Variants in PCDH9 observed in about 807,000 individuals in gnomAD.
PCDH9 encodes the protein protocadherin-9.
Under a neutral mutation model 70.6 loss-of-function variants are expected in PCDH9, and 24 were observed. The observed-to-expected ratio is 0.34, with a 90% CI of 0.25 to 0.48. The LOEUF is 0.48. Ranked by LOEUF, PCDH9 falls within the 20% of genes least tolerant of loss-of-function variation. PCDH9 has a pLI of 0.99. For synonymous variants in PCDH9, 562 were observed against 558.5 expected (o/e 1.01, Z -0.09); for missense variants, 1,281 against 1,503.6 (o/e 0.85, Z 2.45).
chr13:66,875,128 C>G (rs1230307552), intron 3 of PCDH9, among the ~76,000 whole-genome samples: 3 of 152,166 alleles, frequency 2.0e-5, no homozygotes, highest in Non-Finnish European at 4.4e-5. Context: ...GTATCAACAT[C>G]TCCCCTAAAG....
chr13:66,357,294 G>T (rs923595688), intron 4 of PCDH9, among the ~76,000 whole-genome samples: 1 of 152,074 alleles, frequency 6.6e-6, no homozygotes, highest in African/African-American at 2.4e-5. Flanking sequence ...ACTGCAACAT[G>T]CAAACAGATA....
chr13:66,711,018 A>G (rs887895135), intron 3 of PCDH9, among the ~76,000 whole-genome samples: 5 of 152,138 alleles, frequency 3.3e-5, no homozygotes, highest in Non-Finnish European at 7.4e-5. Context: ...AAAACGATAT[A>G]TTCACAGATA....
intron 2 of PCDH9, among the ~76,000 whole-genome samples, chr13:67,006,192 A>T (rs1394364322): frequency 6.6e-6 from 1 of 152,168 alleles, no homozygotes; most frequent in Non-Finnish European, 1.5e-5. Flanking sequence ...GTGCCACTGC[A>T]CTCCAGCCTG....
chr13:66,633,212 C>T (rs2077594485), intron 3 of PCDH9, among the ~76,000 whole-genome samples: 1 of 152,128 alleles, frequency 6.6e-6, no homozygotes, highest in Admixed American at 6.5e-5. Flanking sequence ...AAACTATAAT[C>T]ATAAATGGTA....
chr13:67,147,425 G>T (rs2138375669), intron 2 of PCDH9, among the ~76,000 whole-genome samples: 1 of 152,274 alleles, frequency 6.6e-6, no homozygotes, highest in Middle Eastern at 3.4e-3. Flanking sequence ...TACCAGAATA[G>T]CAACAACATG....
chr13:66,718,406 T>C (rs909325671), intron 3 of PCDH9, among the ~76,000 whole-genome samples: 1 of 152,056 alleles, frequency 6.6e-6, no homozygotes, highest in African/African-American at 2.4e-5. Context: ...AGAATACTAT[T>C]TTGTTGAGGG....
intron 2 of PCDH9, among the ~76,000 whole-genome samples, chr13:67,144,103 T>C (rs1261124443): frequency 6.6e-6 from 1 of 152,136 alleles, no homozygotes; most frequent in Non-Finnish European, 1.5e-5. Context: ...AATATCAAAA[T>C]GTGTGAAGAG....
At chr13:66,457,904 A>G (rs1411421420) in intron 4 of PCDH9, among the ~76,000 whole-genome samples, 1 of 151,906 alleles carries the variant, frequency 6.6e-6, no homozygotes, top group African/African-American at 2.4e-5. Flanking sequence ...ACCTACTCCA[A>G]TCCCTTAAAT....
At chr13:66,560,318 G>A (rs1961953779) in intron 4 of PCDH9, among the ~76,000 whole-genome samples, 3 of 152,012 alleles carry the variant, frequency 2.0e-5, no homozygotes, top group Admixed American at 1.3e-4. Flanking sequence ...AGGGGGAGGG[G>A]TCCCTCTATT....
At chr13:67,032,766 A>C (rs1402546117) in intron 2 of PCDH9, among the ~76,000 whole-genome samples, 2 of 152,174 alleles carry the variant, frequency 1.3e-5, no homozygotes, top group East Asian at 3.9e-4. Context: ...ATAGTTCCTA[A>C]TATATCACAA....
chr13:66,864,172 C>G (rs1465599181), intron 3 of PCDH9, among the ~76,000 whole-genome samples: 1 of 151,908 alleles, frequency 6.6e-6, no homozygotes, highest in Non-Finnish European at 1.5e-5. Flanking sequence ...GGGGACACAG[C>G]CAGAGCATAT....
At chr13:67,106,925 C>A (rs1374140554) in intron 2 of PCDH9, among the ~76,000 whole-genome samples, 1 of 152,218 alleles carries the variant, frequency 6.6e-6, no homozygotes, top group African/African-American at 2.4e-5. Flanking sequence ...GCAGCCTTGG[C>A]CCCCTGTGTA....
At chr13:66,864,805 C>T (rs1479629737) in intron 3 of PCDH9, among the ~76,000 whole-genome samples, 1 of 152,154 alleles carries the variant, frequency 6.6e-6, no homozygotes, top group Admixed American at 6.6e-5. Flanking sequence ...TTATTTTGTG[C>T]ATCGTTTTAA....
intron 4 of PCDH9, among the ~76,000 whole-genome samples, chr13:66,314,316 T>C (rs1955613437): frequency 6.6e-6 from 1 of 152,224 alleles, no homozygotes; most frequent in East Asian, 1.9e-4. Context: ...ACACAAATTG[T>C]TCTCATCAAC....
At chr13:67,109,610 A>C (rs920230188) in intron 2 of PCDH9, among the ~76,000 whole-genome samples, 12 of 152,220 alleles carry the variant, frequency 7.9e-5, no homozygotes, top group Non-Finnish European at 1.8e-4. Context: ...TTTGAATAAA[A>C]GTCTCTATAA....
intron 4 of PCDH9, among the ~76,000 whole-genome samples, chr13:66,546,522 G>A (rs1961210048): frequency 6.6e-6 from 1 of 152,150 alleles, no homozygotes; most frequent in South Asian, 2.1e-4. Context: ...TTTAAGCTAA[G>A]TGTTATTACC....
chr13:66,704,640 T>G (rs2078688594), intron 3 of PCDH9, among the ~76,000 whole-genome samples: 1 of 152,130 alleles, frequency 6.6e-6, no homozygotes, highest in African/African-American at 2.4e-5. Context: ...CAAGACAGAA[T>G]GATGACAATG....
At chr13:67,146,612 C>T (rs1339264526) in intron 2 of PCDH9, among the ~76,000 whole-genome samples, 3 of 152,086 alleles carry the variant, frequency 2.0e-5, no homozygotes, top group East Asian at 3.9e-4. Flanking sequence ...CATGGAACAT[C>T]GGAAACCAGC....
intron 2 of PCDH9, among the ~76,000 whole-genome samples, chr13:67,151,995 C>T (rs1253134833): frequency 2.6e-5 from 4 of 152,152 alleles, no homozygotes; most frequent in African/African-American, 9.7e-5. Flanking sequence ...TTTCTCATCT[C>T]ATAAAACTCT....
Sources: allele counts gnomAD v4.1 joint callset (sites outside exome capture counted in the v4.1 genomes callset), GRCh38; gene constraint gnomAD v4.1.1; transcripts MANE v1.5; gene names NCBI Gene and HGNC (gene_info 2026-07-23, HGNC 2026-07-21).